ASPH: variants seen among roughly 807,000 people sequenced by gnomAD.
ASPH encodes the protein aspartyl/asparaginyl beta-hydroxylase.
A neutral mutation model predicts 118.4 loss-of-function variants in ASPH; 100 were observed. The ratio of observed to expected loss-of-function variants is 0.84; its 90% CI spans 0.72 to 1.00. The LOEUF (loss-of-function observed/expected upper bound fraction) is 1.00, where lower values mean the gene tolerates loss of function less well. Among genes scored for constraint, ASPH ranks in the 50% least tolerant of loss-of-function variants. ASPH has a pLI of 0.00. For missense variants in ASPH, 920 were observed against 919.5 expected (o/e 1.00, Z -0.01); for synonymous variants, 315 against 325.6 (o/e 0.97, Z 0.35).
chr8:61,567,301 A>G lies in ASPH; in HGVS notation c.1167T>C (p.Ala389=). ...YGKAQCEDDL[A]EKRRSNEVLR... ...GCACCTCATTACTTCTCCTCTTCTC[A>G]GCCAAATCATCCTCACACTAGAAGA... Residue 389 remains alanine (A), a synonymous_variant, in exon 17 of 25, where the codon GCT becomes GCC. Transcript: ENST00000379454. 7 of 1,613,886 alleles carry G rather than the reference A, an allele frequency of 4.3e-6. No individual in the cohort carries two copies. The highest frequency in any genetic ancestry group is 5.9e-6 in the Non-Finnish European group (7 of 1,179,884).
At chr8:61,616,772 C>T (rs1314471995) in intron 14 of ASPH, among the ~76,000 whole-genome samples, 1 of 152,166 alleles carries the variant, frequency 6.6e-6, no homozygotes, top group African/African-American at 2.4e-5. Flanking sequence ...AATTCACCAC[C>T]CCTTCTGCCT....
At chr8:61,591,999 C>T (rs1478724847) in intron 14 of ASPH, among the ~76,000 whole-genome samples, 1 of 152,206 alleles carries the variant, frequency 6.6e-6, no homozygotes, top group East Asian at 1.9e-4. Context: ...CATTTTGTGT[C>T]TCAAGACGTA....
At chr8:61,654,188 TAACA>T (rs1563408685) in intron 3 of ASPH, among the ~76,000 whole-genome samples, 146 of 152,328 alleles carry the variant, frequency 9.6e-4, no homozygotes, top group African/African-American at 3.4e-3. Context: ...TATTATTCTA[TAACA>T]GCTAAAACAT....
intron 13 of ASPH, among the ~76,000 whole-genome samples, chr8:61,630,514 C>T (rs989717574): frequency 8.5e-5 from 13 of 152,104 alleles, no homozygotes; most frequent in African/African-American, 2.4e-4. Flanking sequence ...GTTAAAAATA[C>T]GGCCATGTGT....
In ASPH at chr8:61,501,898, G is replaced by GT. The variant is rs1196790155; in HGVS notation, c.*1460dup. 1.3e-5 allele frequency: 2 copies of GT among 152,142 alleles called. No individual in the cohort carries two copies. The highest frequency in any genetic ancestry group is 2.9e-5 in the Non-Finnish European group (2 of 68,002). 9.4% of individuals were successfully genotyped at this position (152,142 alleles called of 1,614,324 possible). ...TTTTTAGATGGAAAAGAAAGCACAA[G>GT]TTTTTTCTACCTGTGAATGAACTTT... On this transcript the variant is annotated 3_prime_UTR_variant, in exon 25 of 25. Coordinates refer to ENST00000379454, the MANE Select transcript of ASPH (RefSeq NM_004318.4).
At chr8:61,628,662 G>A (rs1854115815) in intron 13 of ASPH, among the ~76,000 whole-genome samples, 1 of 152,108 alleles carries the variant, frequency 6.6e-6, no homozygotes, top group African/African-American at 2.4e-5. Flanking sequence ...CTAGCACAAG[G>A]ACATCTGGGA....
chr8:61,513,629 G>A (rs1203198763), intron 24 of ASPH, among the ~76,000 whole-genome samples: 1 of 152,192 alleles, frequency 6.6e-6, no homozygotes, highest in African/African-American at 2.4e-5. Context: ...CAGGTGAGTT[G>A]CAAGCACTTT....
chr8:61,562,842 C>T lies in ASPH; in HGVS notation c.1339G>A (p.Val447Ile). ...RGSLLTLQRL[V>I]QLFPNDTSLK... ...GAAGTATCATTGGGAAATAGTTGAA[C>T]TAATCTCTGCAGGGTAAGCAGGGAA... The change falls in exon 18 of 25, where the codon GTT (valine) becomes ATT (isoleucine). Residue 447 changes from valine to isoleucine, a missense_variant. By Grantham distance (29) the Val-to-Ile change is conservative. Transcript: ENST00000379454. 3.1e-6 allele frequency: 5 copies of T among 1,612,278 alleles called. No individual in the cohort carries two copies. The highest frequency in any genetic ancestry group is 4.2e-6 in the Non-Finnish European group (5 of 1,179,310).
chr8:61,637,821 T>A, intron 12 of ASPH, 126 bp downstream of exon 12: 1 of 839,888 alleles, frequency 1.2e-6, no homozygotes, highest in Non-Finnish European at 1.8e-6. Context: ...TGTGTTTTCT[T>A]CCCTCTTGTA....
chr8:61,622,198 C>T (rs1041040511), intron 13 of ASPH, among the ~76,000 whole-genome samples: 1 of 152,016 alleles, frequency 6.6e-6, no homozygotes, highest in East Asian at 1.9e-4. Flanking sequence ...ATTAGCTGGG[C>T]GTGGTGGCAC....
rs558175002 is a variant in ASPH at position 61,549,589 on chromosome 8, A to G, written c.1627-1381T>C. Among the ~76,000 whole-genome samples the G allele has an allele frequency of 3.3e-5, 5 of 152,324 alleles. No individual in the cohort carries two copies. The South Asian group carries it at 6.2e-4, about 19-fold the overall frequency. ...AGTTGTAGCCAGAATTCCTTTAAAA[A>G]CTAGAAAGTTAAAATGGCTAATTGT... On this transcript the variant is annotated intron_variant, in intron 20 of 24. Coordinates refer to ENST00000379454, the MANE Select transcript of ASPH (RefSeq NM_004318.4).
At chr8:61,571,835 T>C (rs1833567567) in intron 16 of ASPH, among the ~76,000 whole-genome samples, 1 of 152,358 alleles carries the variant, frequency 6.6e-6, no homozygotes, top group Admixed American at 6.5e-5. Flanking sequence ...AATGACTTAA[T>C]ACTAGTGATA....
chr8:61,517,744 C>T (rs557066719), intron 23 of ASPH, 83 bp from the exon 24 acceptor site: 2 of 1,507,042 alleles, frequency 1.3e-6, no homozygotes, highest in Non-Finnish European at 1.8e-6. Flanking sequence ...TACAAAATTA[C>T]TGTCAGTTTG....
chr8:61,510,221 A>T (rs1212138929), intron 24 of ASPH, among the ~76,000 whole-genome samples: 1 of 152,180 alleles, frequency 6.6e-6, no homozygotes, highest in Non-Finnish European at 1.5e-5. Flanking sequence ...ACTCTTCCTA[A>T]TATACAGATG....
intron 14 of ASPH, among the ~76,000 whole-genome samples, chr8:61,593,125 T>C (rs1189796640): frequency 6.6e-6 from 1 of 152,184 alleles, no homozygotes; most frequent in Non-Finnish European, 1.5e-5. Flanking sequence ...GAAATAAATC[T>C]GCTCTCATAT....
In ASPH at chr8:61,502,605, T is replaced by C. The variant is rs1278059427; in HGVS notation, c.*754A>G. ...CTGGGATTTTTATAACAATATAAAATAATTCCATGCTCTTTTTTCGGTGTG... is the reference window on the plus strand; with the variant it reads ...CTGGGATTTTTATAACAATATAAAACAATTCCATGCTCTTTTTTCGGTGTG... On this transcript the variant is annotated 3_prime_UTR_variant, in exon 25 of 25. Coordinates refer to ENST00000379454, the MANE Select transcript of ASPH (RefSeq NM_004318.4). 1.3e-5 allele frequency: 2 copies of C among 152,212 alleles called. No individual in the cohort carries two copies. Among genetic ancestry groups the C allele is most frequent in the African/African-American group, 4.8e-5 (2 of 41,460 alleles). 9.4% of individuals were successfully genotyped at this position (152,212 alleles called of 1,614,324 possible).
At chr8:61,672,092 A>G (rs961147981) in intron 3 of ASPH, among the ~76,000 whole-genome samples, 1 of 152,232 alleles carries the variant, frequency 6.6e-6, no homozygotes, top group African/African-American at 2.4e-5. Context: ...ACAAATAGCA[A>G]AAAGAGGCCC....
intron 24 of ASPH, among the ~76,000 whole-genome samples, chr8:61,504,404 GC>G (rs1468131867): frequency 1.3e-5 from 2 of 152,146 alleles, no homozygotes; most frequent in African/African-American, 4.8e-5. Flanking sequence ...TCCTGGATTA[GC>G]AAATAATGAC....
At chr8:61,688,945 C>T (rs1831660563) in intron 1 of ASPH, among the ~76,000 whole-genome samples, 1 of 152,154 alleles carries the variant, frequency 6.6e-6, no homozygotes, top group Non-Finnish European at 1.5e-5. Context: ...ATTCTCTATC[C>T]TAATCAAAGA....
Sources: gnomAD v4.1 joint callset for allele counts (sites outside exome capture counted in the v4.1 genomes callset) on GRCh38, gnomAD v4.1.1 for gene constraint, MANE v1.5 for transcripts, NCBI Gene and HGNC (gene_info 2026-07-23, HGNC 2026-07-21) for gene names.